AGBL1: variants seen among roughly 807,000 people sequenced by gnomAD.
AGBL1 encodes the protein AGBL carboxypeptidase 1.
Under a neutral mutation model 118.9 loss-of-function variants are expected in AGBL1, and 130 were observed. The observed-to-expected ratio is 1.09, with a 90% CI of 0.95 to 1.26. The LOEUF is 1.26. Ranked by LOEUF, AGBL1 falls within the 50% of genes most tolerant of loss-of-function variation. The pLI, the probability that AGBL1 is intolerant of heterozygous loss-of-function variation, is 0.00. For missense variants in AGBL1, 1,584 were observed against 1,298.1 expected, an observed-to-expected ratio of 1.22 and a Z score of -3.38; for synonymous variants, 555 against 478.9, an observed-to-expected ratio of 1.16 and a Z score of -2.08.
At chr15:86,261,349 G>C (rs922097590) in intron 9 of AGBL1, among the ~76,000 whole-genome samples, 7 of 152,170 alleles carry the variant, frequency 4.6e-5, no homozygotes, top group African/African-American at 2.4e-5. Flanking sequence ...GATGGATGAA[G>C]CTGCAAAGCA....
chr15:86,932,649 G>A (rs1436444863), intron 23 of AGBL1, among the ~76,000 whole-genome samples: 1 of 151,960 alleles, frequency 6.6e-6, no homozygotes, highest in Non-Finnish European at 1.5e-5. Context: ...TTGGTCCTGA[G>A]TCTTGTATTT....
At chr15:86,928,695 C>T (rs1014049228) in intron 23 of AGBL1, among the ~76,000 whole-genome samples, 10 of 151,932 alleles carry the variant, frequency 6.6e-5, no homozygotes, top group South Asian at 6.2e-4. Context: ...TTGAATGTGC[C>T]CCTCTGCCTC....
intron 23 of AGBL1, among the ~76,000 whole-genome samples, chr15:86,987,018 GT>G (rs2081291099): frequency 6.6e-6 from 1 of 152,144 alleles, no homozygotes; most frequent in Non-Finnish European, 1.5e-5. Flanking sequence ...AAGGTGCTCA[GT>G]TGGGGAGCTT....
At chr15:86,508,434 A>G (rs1285496123) in intron 18 of AGBL1, among the ~76,000 whole-genome samples, 1 of 152,164 alleles carries the variant, frequency 6.6e-6, no homozygotes, top group East Asian at 1.9e-4. Context: ...AGAAATTTCC[A>G]GACTTTTTCC....
At chr15:86,747,638 CCCA>C (rs2077776625) in intron 22 of AGBL1, among the ~76,000 whole-genome samples, 1 of 152,072 alleles carries the variant, frequency 6.6e-6, no homozygotes, top group African/African-American at 2.4e-5. Flanking sequence ...CTCCCCACAC[CCCA>C]CAACAGGCCC....
intron 24 of AGBL1, among the ~76,000 whole-genome samples, chr15:87,020,363 A>C (rs2196060): frequency 6.6e-6 from 1 of 151,722 alleles, no homozygotes; most frequent in Non-Finnish European, 1.5e-5. Flanking sequence ...AAAATAATAA[A>C]AGCCATATAT....
intron 22 of AGBL1, among the ~76,000 whole-genome samples, chr15:86,737,924 T>C (rs1018005612): frequency 6.6e-6 from 1 of 151,882 alleles, no homozygotes; most frequent in African/African-American, 2.4e-5. Flanking sequence ...TCAAATAACA[T>C]ATCAAAAAAG....
At chr15:86,082,159 C>A (rs1368912644) in intron 1 of AGBL1, among the ~76,000 whole-genome samples, 1 of 152,178 alleles carries the variant, frequency 6.6e-6, no homozygotes, top group Non-Finnish European at 1.5e-5. Context: ...AACTCTGAAA[C>A]GCTTTTTAAA....
intron 22 of AGBL1, among the ~76,000 whole-genome samples, chr15:86,871,045 C>T (rs1260434241): frequency 6.6e-6 from 1 of 152,202 alleles, no homozygotes; most frequent in East Asian, 1.9e-4. Flanking sequence ...CCTCAACCCA[C>T]ATGATGCCTT....
rs1408292568 is a variant in AGBL1 at position 86,821,278 on chromosome 15, TAACA to T, written c.3159-85804_3159-85801del. Among the ~76,000 whole-genome samples, 3 of 152,156 alleles carry T rather than the reference TAACA, an allele frequency of 2.0e-5. No homozygotes were observed. The East Asian group carries it at 5.8e-4, about 29-fold the overall frequency. On this transcript the variant is annotated intron_variant, in intron 22 of 22. Coordinates refer to ENST00000614907, the MANE Select transcript of AGBL1 (RefSeq NM_001386094.1). ...CCACCATGGCACGTGTATACCTATG[TAACA>T]AACATGCATGTTCTGCACATGTATT...
At chr15:86,188,047 T>A (rs2077661049) in intron 5 of AGBL1, among the ~76,000 whole-genome samples, 1 of 152,216 alleles carries the variant, frequency 6.6e-6, no homozygotes, top group Non-Finnish European at 1.5e-5. Flanking sequence ...GTCTCTCAAA[T>A]GATACCAATG....
intron 24 of AGBL1, among the ~76,000 whole-genome samples, chr15:86,994,043 G>A (rs1596717986): frequency 6.6e-6 from 1 of 152,062 alleles, no homozygotes; most frequent in East Asian, 1.9e-4. Context: ...CACAGGTTCT[G>A]TGTCACATTC....
intron 23 of AGBL1, among the ~76,000 whole-genome samples, chr15:86,924,235 C>T (rs1243136616): frequency 6.6e-6 from 1 of 152,226 alleles, no homozygotes; most frequent in Non-Finnish European, 1.5e-5. Flanking sequence ...GTAAGTGCCA[C>T]ACACAAGTTC....
At chr15:86,431,025 ACCAAGTGGCGGAG>A (rs1451264471) in intron 18 of AGBL1, among the ~76,000 whole-genome samples, 1 of 152,208 alleles carries the variant, frequency 6.6e-6, no homozygotes, top group African/African-American at 2.4e-5. Flanking sequence ...TCTCACAGTT[ACCAAGTGGCGGAG>A]CTGGGATTAG....
intron 22 of AGBL1, among the ~76,000 whole-genome samples, chr15:86,795,607 G>A (rs149314190): frequency 0.017 from 2,484 of 146,916 alleles, 70 homozygotes; most frequent in African/African-American, 0.057. Flanking sequence ...TTTTTGAGAC[G>A]GAATTTCACT....
At chr15:86,884,900 C>T (rs1282815781) in intron 22 of AGBL1, among the ~76,000 whole-genome samples, 3 of 152,170 alleles carry the variant, frequency 2.0e-5, no homozygotes, top group South Asian at 2.1e-4. Context: ...AGCGAGCTCT[C>T]GGATACGGAA....
At chr15:86,437,142 A>G (rs2082009592) in intron 18 of AGBL1, among the ~76,000 whole-genome samples, 1 of 152,174 alleles carries the variant, frequency 6.6e-6, no homozygotes, top group African/African-American at 2.4e-5. Context: ...ATTTGAGGAC[A>G]CTGAGGGTGT....
intron 5 of AGBL1, among the ~76,000 whole-genome samples, chr15:86,209,372 G>T (rs546022040): frequency 6.6e-6 from 1 of 152,156 alleles, no homozygotes; most frequent in African/African-American, 2.4e-5. Context: ...GGATACCCTT[G>T]TTAACCTTCT....
intron 24 of AGBL1, among the ~76,000 whole-genome samples, chr15:87,028,054 AAT>A (rs1049364851): frequency 6.6e-6 from 1 of 150,860 alleles, no homozygotes; most frequent in African/African-American, 2.4e-5. Flanking sequence ...GGAAGAAAAA[AAT>A]ATATATATAT....
Sources: allele counts gnomAD v4.1 joint callset (sites outside exome capture counted in the v4.1 genomes callset), GRCh38; gene constraint gnomAD v4.1.1; transcripts MANE v1.5; gene names NCBI Gene and HGNC (gene_info 2026-07-23, HGNC 2026-07-21).